PLCZ1: variants seen among roughly 807,000 people sequenced by gnomAD.
PLCZ1 encodes 1-phosphatidylinositol 4,5-bisphosphate phosphodiesterase zeta-1.
PLCZ1 carries 64 observed loss-of-function variants against 76.8 expected under a neutral mutation model. The observed-to-expected ratio is 0.83, with a 90% CI of 0.68 to 1.03. The LOEUF is 1.03. Among genes scored for constraint, PLCZ1 ranks in the 50% least tolerant of loss-of-function variants. The probability of loss-of-function intolerance (pLI) is 0.00; values close to 1 mark genes in which losing one functional copy is unlikely to be tolerated. For missense variants in PLCZ1, 751 were observed against 713.7 expected, an observed-to-expected ratio of 1.05 and a Z score of -0.60; for synonymous variants, 248 against 230.8, an observed-to-expected ratio of 1.07 and a Z score of -0.68.
At chr12:18,674,784 A>T in the PLCZ1 span, among the ~76,000 whole-genome samples, 1 of 152,152 alleles carries the variant, frequency 6.6e-6, no homozygotes, top group Non-Finnish European at 1.5e-5. Context: ...ATGAGTTGAA[A>T]GTGGTATGGT....
chr12:18,654,350 T>C, the PLCZ1 span, among the ~76,000 whole-genome samples: 9 of 150,442 alleles, frequency 6.0e-5, no homozygotes, highest in Admixed American at 5.9e-4. Flanking sequence ...GGAGAGCAGA[T>C]ATAATGATTT....
At chr12:18,736,696 A>G (rs1959324115) in intron 2 of PLCZ1, 1 of 1,290,130 alleles carries the variant, frequency 7.8e-7, no homozygotes, top group Non-Finnish European at 1.0e-6. Context: ...CTCTCACCTG[A>G]CCTCTCTGTT....
chr12:18,725,994 C>G (rs1275501686), intron 3 of PLCZ1, among the ~76,000 whole-genome samples: 1 of 152,048 alleles, frequency 6.6e-6, no homozygotes, highest in Non-Finnish European at 1.5e-5. Context: ...TTTCTATATT[C>G]ATTCTAGAAT....
the PLCZ1 span, among the ~76,000 whole-genome samples, chr12:18,664,941 G>A: frequency 3.4e-5 from 5 of 146,952 alleles, no homozygotes; most frequent in African/African-American, 7.6e-5. Context: ...CTCACTCATA[G>A]GTGGGAATTG....
chr12:18,693,505 C>T (rs1954461545), intron 12 of PLCZ1: 1 of 1,610,842 alleles, frequency 6.2e-7, no homozygotes, highest in Non-Finnish European at 8.5e-7. Context: ...CAAACCAAAC[C>T]TCAGCCACTT....
At chr12:18,696,082 C>T in intron 11 of PLCZ1, 68 bp downstream of exon 11, 1 of 890,532 alleles carries the variant, frequency 1.1e-6, no homozygotes, top group Non-Finnish European at 1.8e-6. Flanking sequence ...ACGAGTTTTT[C>T]ATACATTCAT....
chr12:18,699,825 C>G lies in PLCZ1; in HGVS notation c.1143G>C (p.Glu381Asp). Residue 381 changes from glutamate (E) to aspartate (D), a missense_variant, in exon 10 of 15, where the codon GAG becomes GAC. By Grantham distance (45) the Glu-to-Asp change is conservative. Transcript: ENST00000266505. Reference protein sequence around the residue: ...QQFNENNSIGETQARKLSKLR... With the variant: ...QQFNENNSIGDTQARKLSKLR... ...ATTTTGAAAGTTTTCGGGCTTGTGTCTCCCCAATAGAATTATTTTCATTAA... is the reference window on the plus strand; with the variant it reads ...ATTTTGAAAGTTTTCGGGCTTGTGTGTCCCCAATAGAATTATTTTCATTAA... The G allele has an allele frequency of 6.2e-7, 1 of 1,613,540 alleles. No individual in the cohort carries two copies. The highest frequency in any genetic ancestry group is 2.2e-5 in the East Asian group (1 of 44,776).
rs779576915 is a variant in PLCZ1 at position 18,684,129 on chromosome 12, C to A, written c.1741+1G>T. ...AATCATCTAACTTTTAGGGACATTA[C>A]CTTTGTTCATGCATAGAAGTGGCAA... On this transcript the variant is annotated splice_donor_variant, in intron 14 of 14. Coordinates refer to ENST00000266505, the MANE Select transcript of PLCZ1 (RefSeq NM_033123.4). LOFTEE classifies it high-confidence loss of function. The A allele has an allele frequency of 1.4e-5, 22 of 1,611,076 alleles. No individual in the cohort carries two copies. The highest frequency in any genetic ancestry group is 1.6e-5 in the Non-Finnish European group (19 of 1,178,400).
chr12:18,700,909 T>C lies in PLCZ1; in HGVS notation c.1017+592A>G, dbSNP rs199694356. Among the ~76,000 whole-genome samples the C allele has an allele frequency of 5.9e-5, 9 of 152,120 alleles. No individual in the cohort carries two copies. The East Asian group carries it at 1.7e-3, about 29-fold the overall frequency. ...TTACTTGGGACCAGGGAAATTACGT[T>C]GTGTATCTCTGCATCTTTTGCACTT... On this transcript the variant is annotated intron_variant, in intron 9 of 14. Transcript: ENST00000266505.
intron 5 of PLCZ1, among the ~76,000 whole-genome samples, chr12:18,717,266 G>C (rs1268305179): frequency 6.6e-6 from 1 of 151,822 alleles, no homozygotes; most frequent in East Asian, 1.9e-4. Context: ...AAAATGAATG[G>C]AAATTCCTAT....
chr12:18,732,708 G>A (rs941006238), intron 3 of PLCZ1, among the ~76,000 whole-genome samples: 3 of 152,062 alleles, frequency 2.0e-5, no homozygotes, highest in Admixed American at 2.0e-4. Context: ...CACATAAGTG[G>A]TGTCATGCAC....
chr12:18,723,091 C>G (rs752442179), intron 4 of PLCZ1, among the ~76,000 whole-genome samples: 22 of 151,760 alleles, frequency 1.4e-4, no homozygotes, highest in Non-Finnish European at 1.9e-4. Context: ...AAGAAAGGAG[C>G]TGAACAATGT....
At chr12:18,736,642 G>T (rs1171025331) in intron 2 of PLCZ1, 29 of 1,294,682 alleles carry the variant, frequency 2.2e-5, no homozygotes, top group Non-Finnish European at 2.9e-5. Context: ...ACAATCTATT[G>T]CCTGAAGGCA....
chr12:18,670,952 GC>G, the PLCZ1 span, among the ~76,000 whole-genome samples: 1 of 152,106 alleles, frequency 6.6e-6, no homozygotes, highest in African/African-American at 2.4e-5. Context: ...GGAGGCTGAG[GC>G]AGGCAGATCA....
intron 14 of PLCZ1, 162 bp from the exon 15 acceptor site, chr12:18,683,486 T>C (rs1436859095): frequency 6.8e-7 from 1 of 1,480,206 alleles, no homozygotes; most frequent in South Asian, 1.2e-5. Flanking sequence ...AAAAATTAAA[T>C]ATTTGCATTT....
At chr12:18,655,414 A>G in the PLCZ1 span, among the ~76,000 whole-genome samples, 9 of 152,226 alleles carry the variant, frequency 5.9e-5, no homozygotes, top group South Asian at 1.4e-3. Flanking sequence ...AAATGAATAA[A>G]TAAATAAGTA....
intron 14 of PLCZ1, chr12:18,683,725 C>T (rs1049137914): frequency 2.6e-5 from 23 of 893,104 alleles, no homozygotes; most frequent in Non-Finnish European, 3.4e-5. Context: ...GGTAGTCAGC[C>T]CTGAAAAGGG....
At chr12:18,649,831 C>G in the PLCZ1 span, among the ~76,000 whole-genome samples, 1 of 152,106 alleles carries the variant, frequency 6.6e-6, no homozygotes, top group Non-Finnish European at 1.5e-5. Flanking sequence ...ACCCTACATC[C>G]TCTTGTGCTT....
chr12:18,645,870 C>T, the PLCZ1 span, among the ~76,000 whole-genome samples: 2 of 152,178 alleles, frequency 1.3e-5, no homozygotes, highest in Non-Finnish European at 1.5e-5. Context: ...CTTAGCCAGA[C>T]TTCCCCATTT....
Sources: gnomAD v4.1 joint callset for allele counts (sites outside exome capture counted in the v4.1 genomes callset) on GRCh38, gnomAD v4.1.1 for gene constraint, MANE v1.5 for transcripts, NCBI Gene and HGNC (gene_info 2026-07-23, HGNC 2026-07-21) for gene names.